The following RALGPS2 variants were observed in gnomAD, a reference collection of about 807,000 sequenced individuals.
RALGPS2 encodes ras-specific guanine nucleotide-releasing factor RalGPS2.
A neutral mutation model predicts 86.8 loss-of-function variants in RALGPS2; 43 were observed. That is an observed-to-expected ratio of 0.50 (90% CI 0.39 to 0.64). The LOEUF is 0.64. Ranked by LOEUF, RALGPS2 falls within the 30% of genes least tolerant of loss-of-function variation. The pLI is 0.00. For missense variants in RALGPS2, 536 were observed against 694.6 expected, an observed-to-expected ratio of 0.77 and a Z score of 2.57; for synonymous variants, 243 against 231.3, an observed-to-expected ratio of 1.05 and a Z score of -0.46.
At chr1:178,883,390 GAA>G in intron 10 of RALGPS2, 74 bp from the exon 11 acceptor site, 1 of 1,191,444 alleles carries the variant, frequency 8.4e-7, no homozygotes, top group Non-Finnish European at 1.2e-6. Flanking sequence ...TTTTTTGTGA[GAA>G]AATACACAAC....
intron 1 of RALGPS2, among the ~76,000 whole-genome samples, chr1:178,740,798 G>A (rs1650977209): frequency 6.6e-6 from 1 of 152,096 alleles, no homozygotes; most frequent in African/African-American, 2.4e-5. Flanking sequence ...CCACCCCCAG[G>A]AAAGATTGTA....
At chr1:178,734,704 C>G (rs1036346404) in intron 1 of RALGPS2, among the ~76,000 whole-genome samples, 5 of 151,960 alleles carry the variant, frequency 3.3e-5, no homozygotes, top group Admixed American at 1.3e-4. Context: ...GTATGTGTTT[C>G]GATGATTCTG....
chr1:178,898,748 T>G (rs1660046649), intron 17 of RALGPS2, among the ~76,000 whole-genome samples: 1 of 151,990 alleles, frequency 6.6e-6, no homozygotes, highest in Admixed American at 6.6e-5. Flanking sequence ...TGCTCACTAT[T>G]ATTATATAAT....
At chr1:178,852,584 A>T in intron 8 of RALGPS2, 1 of 1,326,952 alleles carries the variant, frequency 7.5e-7, no homozygotes, top group Non-Finnish European at 1.0e-6. Flanking sequence ...ACCAAAACTG[A>T]CCTTTTTGAA....
At chr1:178,799,886 A>G (rs1654389418) in intron 4 of RALGPS2, among the ~76,000 whole-genome samples, 1 of 152,220 alleles carries the variant, frequency 6.6e-6, no homozygotes, top group Non-Finnish European at 1.5e-5. Flanking sequence ...ATCAAGCCCA[A>G]AACAATAAAT....
chr1:178,761,572 T>C lies in RALGPS2; in HGVS notation c.-83-15110T>C, dbSNP rs139486611. On this transcript the variant is annotated intron_variant, in intron 1 of 19. Coordinates refer to ENST00000367635, the MANE Select transcript of RALGPS2 (RefSeq NM_152663.5). ...AATTGTTTTTATTTGTTTGTTTGTT[T>C]GTTTTTTAGGCAGAGTCTCACTCTT... is the stretch of plus-strand genomic sequence containing the variant. Among the ~76,000 whole-genome samples the C allele has an allele frequency of 1.7e-3, 257 of 152,264 alleles. 1 individual carries two copies. In the East Asian group the frequency reaches 0.026, roughly 15 times the overall value.
At chr1:178,882,516 T>G (rs1659297572) in intron 10 of RALGPS2, among the ~76,000 whole-genome samples, 1 of 152,248 alleles carries the variant, frequency 6.6e-6, no homozygotes, top group Admixed American at 6.5e-5. Context: ...ATAACTGGAA[T>G]ATAATTAATA....
rs1209149557 is a variant in RALGPS2 at position 178,747,457 on chromosome 1, A to G, written c.-84+22038A>G. The G allele has an allele frequency of 4.4e-6, 7 of 1,595,974 alleles. No individual in the cohort carries two copies. In the Admixed American group the frequency reaches 8.3e-5, roughly 19 times the overall value. On this transcript the variant is annotated intron_variant, in intron 1 of 19. Coordinates refer to ENST00000367635, the MANE Select transcript of RALGPS2 (RefSeq NM_152663.5). ...TTTCTTTAAACAGCATCTCTTGGTCATCTGTTGGCCAGTACTGTGCACATT... is the reference window on the plus strand; with the variant it reads ...TTTCTTTAAACAGCATCTCTTGGTCGTCTGTTGGCCAGTACTGTGCACATT...
intron 18 of RALGPS2, among the ~76,000 whole-genome samples, chr1:178,902,659 C>G (rs1660225380): frequency 6.6e-6 from 1 of 152,028 alleles, no homozygotes; most frequent in Non-Finnish European, 1.5e-5. Context: ...CAGAGTTTTC[C>G]TTTAAATATT....
chr1:178,859,401 C>CTT lies in RALGPS2; in HGVS notation c.608-18077_608-18076dup, dbSNP rs543947031. ...TCTAATGACTACTTTCCAAGTTTAACTTTTTTTTTTTTTTTTTTTTTGAGA... is the reference window on the plus strand; with the variant it reads ...TCTAATGACTACTTTCCAAGTTTAACTTTTTTTTTTTTTTTTTTTTTTTGAGA... On this transcript the variant is annotated intron_variant, in intron 8 of 19. Transcript: ENST00000367635. Among the ~76,000 whole-genome samples the CTT allele has an allele frequency of 7.5e-3, 925 of 122,854 alleles. 27 individuals carry two copies. Among genetic ancestry groups the CTT allele is most frequent in the Non-Finnish European group, 0.012 (699 of 59,336 alleles). The allele number at this position is 122,854 out of a possible 152,430, so 80.6% of individuals were successfully genotyped here.
intron 8 of RALGPS2, among the ~76,000 whole-genome samples, chr1:178,868,690 G>A (rs1658565740): frequency 6.6e-6 from 1 of 151,970 alleles, no homozygotes; most frequent in Admixed American, 6.6e-5. Context: ...GCTTCCTTGT[G>A]TGTATTCTGC....
chr1:178,737,751 C>T (rs948165832), intron 1 of RALGPS2, among the ~76,000 whole-genome samples: 1 of 152,024 alleles, frequency 6.6e-6, no homozygotes, highest in Non-Finnish European at 1.5e-5. Flanking sequence ...AATGGTTAAA[C>T]AATTGTCAAA....
intron 11 of RALGPS2, among the ~76,000 whole-genome samples, chr1:178,884,498 A>G (rs182041967): frequency 1.3e-5 from 2 of 152,286 alleles, no homozygotes; most frequent in East Asian, 1.9e-4. Context: ...AAACCATGAC[A>G]ATGTCTATGG....
chr1:178,791,492 A>G (rs1207054411), intron 4 of RALGPS2, among the ~76,000 whole-genome samples: 1 of 152,130 alleles, frequency 6.6e-6, no homozygotes, highest in Non-Finnish European at 1.5e-5. Flanking sequence ...GTGATGGTTT[A>G]TTTATATTAA....
At chr1:178,808,436 T>C (rs1654836602) in intron 5 of RALGPS2, among the ~76,000 whole-genome samples, 1 of 152,216 alleles carries the variant, frequency 6.6e-6, no homozygotes, top group African/African-American at 2.4e-5. Context: ...GTTTTATCTG[T>C]TTCAAATCTC....
At chr1:178,748,444 A>G (rs892817446) in intron 1 of RALGPS2, among the ~76,000 whole-genome samples, 2 of 152,260 alleles carry the variant, frequency 1.3e-5, no homozygotes, top group Non-Finnish European at 2.9e-5. Context: ...ACTGGAAAAA[A>G]TGGATAAACA....
intron 8 of RALGPS2, among the ~76,000 whole-genome samples, chr1:178,856,930 CATT>C (rs1377696973): frequency 6.6e-6 from 1 of 152,136 alleles, no homozygotes; most frequent in Non-Finnish European, 1.5e-5. Context: ...TGGCACAAAA[CATT>C]AATGTGCTTG....
chr1:178,748,319 CAAA>C (rs756185730), intron 1 of RALGPS2, among the ~76,000 whole-genome samples: 7 of 78,050 alleles, frequency 9.0e-5, no homozygotes, highest in African/African-American at 1.7e-4. Flanking sequence ...GACTCCGTCT[CAAA>C]AAAAAAAAAA....
intron 18 of RALGPS2, among the ~76,000 whole-genome samples, chr1:178,904,819 C>A (rs542547872): frequency 6.6e-6 from 1 of 152,010 alleles, no homozygotes; most frequent in Non-Finnish European, 1.5e-5. Context: ...AGTCTTGCTT[C>A]GGCTGTGGTG....
Sources: allele counts gnomAD v4.1 joint callset (sites outside exome capture counted in the v4.1 genomes callset), GRCh38; gene constraint gnomAD v4.1.1; transcripts MANE v1.5; gene names NCBI Gene and HGNC (gene_info 2026-07-23, HGNC 2026-07-21).